PLCB1: variants seen among roughly 807,000 people sequenced by gnomAD.
PLCB1 encodes 1-phosphatidylinositol 4,5-bisphosphate phosphodiesterase beta-1.
A neutral mutation model predicts 161.8 loss-of-function variants in PLCB1; 46 were observed. The ratio of observed to expected loss-of-function variants is 0.28; its 90% CI spans 0.22 to 0.36. PLCB1 has a LOEUF of 0.36. Among genes scored for constraint, PLCB1 ranks in the 10% least tolerant of loss-of-function variants. The pLI is 1.00. For missense variants in PLCB1, 1,016 were observed against 1,472.5 expected (o/e 0.69, Z 5.07); for synonymous variants, 517 against 503.7 (o/e 1.03, Z -0.35).
chr20:8,377,315 G>T (rs1352478404), intron 3 of PLCB1, among the ~76,000 whole-genome samples: 1 of 152,204 alleles, frequency 6.6e-6, no homozygotes, highest in African/African-American at 2.4e-5. Flanking sequence ...TACAGCAAGA[G>T]CAAAGCATAT....
intron 9 of PLCB1, among the ~76,000 whole-genome samples, chr20:8,684,409 T>C (rs906153136): frequency 6.6e-6 from 1 of 151,740 alleles, no homozygotes; most frequent in African/African-American, 2.4e-5. Flanking sequence ...GCGCCCACCA[T>C]GCCCGGGTTA....
At chr20:8,835,367 T>C (rs954359714) in intron 31 of PLCB1, among the ~76,000 whole-genome samples, 1 of 152,158 alleles carries the variant, frequency 6.6e-6, no homozygotes, top group African/African-American at 2.4e-5. Context: ...GTTAGACCTA[T>C]TTCAGGGTCT....
intron 2 of PLCB1, among the ~76,000 whole-genome samples, chr20:8,224,800 T>C (rs1310604247): frequency 6.6e-6 from 1 of 152,134 alleles, no homozygotes; most frequent in African/African-American, 2.4e-5. Context: ...TTCTATTCAC[T>C]ATCCATCCTC....
At chr20:8,289,959 T>C (rs189631285) in intron 2 of PLCB1, among the ~76,000 whole-genome samples, 1 of 152,320 alleles carries the variant, frequency 6.6e-6, no homozygotes, top group African/African-American at 2.4e-5. Flanking sequence ...TCTTTTGTAA[T>C]ATTTCAACAT....
chr20:8,242,691 A>G (rs1006808546), intron 2 of PLCB1, among the ~76,000 whole-genome samples: 10 of 152,002 alleles, frequency 6.6e-5, no homozygotes, highest in African/African-American at 2.2e-4. Flanking sequence ...GGATGCAAGA[A>G]GTTACCTTGA....
chr20:8,328,167 A>G (rs1189329082), intron 2 of PLCB1, among the ~76,000 whole-genome samples: 2 of 152,134 alleles, frequency 1.3e-5, no homozygotes, highest in Non-Finnish European at 2.9e-5. Flanking sequence ...TTGGCACTCA[A>G]AAAGTTTAGG....
Position 8,331,752 on chromosome 20 carries a change from G to A in PLCB1, c.178-39630G>A, listed in dbSNP as rs568666353. ...GTGGAAACTCACTTTCAGTTTGGGG[G>A]AAATATCCCTTAAACTAGAAGAGGT... On this transcript the variant is annotated intron_variant, in intron 2 of 31. Transcript: ENST00000338037. Among the ~76,000 whole-genome samples the A allele has an allele frequency of 3.5e-4, 53 of 152,260 alleles. 1 individual carries two copies. In the South Asian group the frequency reaches 0.011, roughly 31 times the overall value.
chr20:8,455,665 A>G (rs1981283223), intron 3 of PLCB1, among the ~76,000 whole-genome samples: 1 of 152,070 alleles, frequency 6.6e-6, no homozygotes, highest in Non-Finnish European at 1.5e-5. Context: ...TTCCTCTTCT[A>G]AGTGTGCTGC....
intron 2 of PLCB1, among the ~76,000 whole-genome samples, chr20:8,266,810 G>A (rs1377559308): frequency 4.6e-5 from 7 of 152,148 alleles, no homozygotes; most frequent in South Asian, 2.1e-4. Context: ...AGGCCAAGGC[G>A]GGTGGACCAC....
chr20:8,166,460 T>C (rs1225416879), intron 2 of PLCB1, among the ~76,000 whole-genome samples: 1 of 152,238 alleles, frequency 6.6e-6, no homozygotes, highest in Non-Finnish European at 1.5e-5. Context: ...TCTACTTTAC[T>C]GGCTGTAAGT....
Position 8,179,303 on chromosome 20 carries a change from T to C in PLCB1, c.177+28932T>C, listed in dbSNP as rs557356500. Reference sequence around the variant, plus strand: ...TTCTATTTGTTTGTATCATCTCTGATTTCTTTGAGCAGTGTTTTGTAATTC... The same window carrying C: ...TTCTATTTGTTTGTATCATCTCTGACTTCTTTGAGCAGTGTTTTGTAATTC... On this transcript the variant is annotated intron_variant, in intron 2 of 31. Coordinates refer to ENST00000338037, the MANE Select transcript of PLCB1 (RefSeq NM_015192.4). 1.6e-3 allele frequency among the ~76,000 whole-genome samples: 241 copies of C among 152,306 alleles called. 1 individual carries two copies. The highest frequency in any genetic ancestry group is 5.6e-3 in the African/African-American group (233 of 41,564).
chr20:8,502,577 A>G (rs141446889), intron 3 of PLCB1, among the ~76,000 whole-genome samples: 286 of 152,246 alleles, frequency 1.9e-3, no homozygotes, highest in Admixed American at 4.1e-3. Context: ...TGTTCTAGTT[A>G]TTCTTTGAAC....
At chr20:8,576,681 G>T (rs952452273) in intron 3 of PLCB1, among the ~76,000 whole-genome samples, 1 of 152,124 alleles carries the variant, frequency 6.6e-6, no homozygotes. Context: ...GGCAACCCAA[G>T]TTAATTTCCT....
chr20:8,876,183 T>C (rs1987773976), intron 31 of PLCB1, among the ~76,000 whole-genome samples: 1 of 152,170 alleles, frequency 6.6e-6, no homozygotes, highest in Non-Finnish European at 1.5e-5. Context: ...ACTGGGCCTA[T>C]AATAAAACAA....
Position 8,626,193 on chromosome 20 carries a change from A to G in PLCB1, c.247-2101A>G, listed in dbSNP as rs955014222. Among the ~76,000 whole-genome samples, 29 of 148,630 alleles carry G rather than the reference A, an allele frequency of 2.0e-4. 1 individual carries two copies. In the South Asian group the frequency reaches 2.5e-3, roughly 13 times the overall value. On this transcript the variant is annotated intron_variant, in intron 3 of 31. Transcript: ENST00000338037. ...ACTCCATCTCAAAAAAAAAAAAAAA[A>G]AAGAAAAGATATATGAGCAACAATT... is the stretch of plus-strand genomic sequence containing the variant.
chr20:8,788,929 G>A (rs1314116083), intron 29 of PLCB1, among the ~76,000 whole-genome samples: 1 of 152,142 alleles, frequency 6.6e-6, no homozygotes, highest in Admixed American at 6.6e-5. Context: ...CACACCCAGG[G>A]CCTTTTAGAT....
At chr20:8,178,773 C>A (rs188783300) in intron 2 of PLCB1, among the ~76,000 whole-genome samples, 1 of 152,136 alleles carries the variant, frequency 6.6e-6, no homozygotes, top group Non-Finnish European at 1.5e-5. Flanking sequence ...TTCGGTTTTA[C>A]GTTTAAGTCT....
At chr20:8,412,691 G>T (rs2122516675) in intron 3 of PLCB1, among the ~76,000 whole-genome samples, 1 of 151,866 alleles carries the variant, frequency 6.6e-6, no homozygotes, top group South Asian at 2.1e-4. Flanking sequence ...TCATATGAAG[G>T]GCAACTCATC....
At chr20:8,147,689 C>T (rs761801582) in intron 1 of PLCB1, among the ~76,000 whole-genome samples, 13 of 151,910 alleles carry the variant, frequency 8.6e-5, no homozygotes, top group African/African-American at 2.4e-4. Flanking sequence ...ATGAAGGAAG[C>T]GGGCAGGGAG....
Sources: allele counts gnomAD v4.1 joint callset (sites outside exome capture counted in the v4.1 genomes callset), GRCh38; gene constraint gnomAD v4.1.1; transcripts MANE v1.5; gene names NCBI Gene and HGNC (gene_info 2026-07-23, HGNC 2026-07-21).